FAS: variants seen among roughly 807,000 people sequenced by gnomAD.
FAS encodes tumor necrosis factor receptor superfamily member 6.
A neutral mutation model predicts 33.2 loss-of-function variants in FAS; 5 were observed. The ratio of observed to expected loss-of-function variants is 0.15; its 90% CI spans 0.08 to 0.32. The LOEUF (loss-of-function observed/expected upper bound fraction) is 0.32. Among genes scored for constraint, FAS ranks in the 10% least tolerant of loss-of-function variants. FAS has a pLI of 1.00. For missense variants in FAS, 339 were observed against 386.0 expected, an observed-to-expected ratio of 0.88 and a Z score of 1.02; for synonymous variants, 131 against 130.7, an observed-to-expected ratio of 1.00 and a Z score of -0.01.
intron 1 of FAS, among the ~76,000 whole-genome samples, chr10:88,967,471 A>G (rs1329894324): frequency 6.6e-6 from 1 of 152,202 alleles, no homozygotes; most frequent in Non-Finnish European, 1.5e-5. Context: ...GCGAGAATAC[A>G]GTGGAATACT....
intron 1 of FAS, among the ~76,000 whole-genome samples, chr10:88,998,113 C>T (rs1265420247): frequency 1.3e-5 from 2 of 152,282 alleles, no homozygotes; most frequent in East Asian, 3.9e-4. Flanking sequence ...GGACTGCCAA[C>T]TGGGTGGCTA....
At chr10:89,000,058 C>T (rs1378902042) in intron 1 of FAS, among the ~76,000 whole-genome samples, 1 of 152,170 alleles carries the variant, frequency 6.6e-6, no homozygotes, top group East Asian at 1.9e-4. Context: ...TCTTTACCAT[C>T]AAACAACGTT....
At chr10:88,994,512 A>G (rs1847464241) in intron 1 of FAS, among the ~76,000 whole-genome samples, 1 of 152,238 alleles carries the variant, frequency 6.6e-6, no homozygotes, top group South Asian at 2.1e-4. Flanking sequence ...ATTTTTAAAT[A>G]GGTAAATATA....
Position 89,010,826 on chromosome 10 carries a change from G to T in FAS, c.568+11G>T. The T allele has an allele frequency of 6.2e-7, 1 of 1,613,870 alleles. No individual in the cohort carries two copies. The highest frequency in any genetic ancestry group is 8.5e-7 in the Non-Finnish European group (1 of 1,179,932). On this transcript the variant is annotated intron_variant, in intron 6 of 8. Transcript: ENST00000652046. ...CACTAATTGTTTGGGGTAAGTTCTT[G>T]CTTTGTTCAAACTGCAGATTGAAAT...
intron 2 of FAS, 151 bp downstream of exon 2, chr10:89,003,345 A>T (rs1848042453): frequency 1.3e-5 from 12 of 893,460 alleles, no homozygotes; most frequent in Non-Finnish European, 1.7e-5. Flanking sequence ...TATTTTCCAA[A>T]GATGAGTTTT....
intron 1 of FAS, among the ~76,000 whole-genome samples, chr10:88,995,232 T>G (rs1847516822): frequency 6.6e-6 from 1 of 152,210 alleles, no homozygotes; most frequent in African/African-American, 2.4e-5. Flanking sequence ...CAATTCAGTC[T>G]CAAGCAGGAA....
chr10:88,970,811 A>G (rs1396175646), intron 1 of FAS, among the ~76,000 whole-genome samples: 3 of 152,176 alleles, frequency 2.0e-5, no homozygotes, highest in African/African-American at 4.8e-5. Flanking sequence ...TGGCACGTGT[A>G]TACATATGTA....
intron 1 of FAS, among the ~76,000 whole-genome samples, chr10:88,965,980 A>C (rs1254286448): frequency 6.6e-6 from 1 of 152,184 alleles, no homozygotes; most frequent in Non-Finnish European, 1.5e-5. Flanking sequence ...GCCTGAATTT[A>C]CGGAACCATG....
Position 89,007,786 on chromosome 10 carries a change from G to A in FAS, c.283G>A (p.Ala95Thr). 1 of 1,614,050 alleles carries A rather than the reference G, an allele frequency of 6.2e-7. No homozygotes were observed. The highest frequency in any genetic ancestry group is 1.1e-5 in the South Asian group (1 of 91,090). ...CQEGKEYTDK[A>T]HFSSKCRRCR... Reference sequence around the variant, plus strand: ...AGAAGGGAAGGAGTACACAGACAAAGCCCATTTTTCTTCCAAATGCAGAAG... The same window carrying A: ...AGAAGGGAAGGAGTACACAGACAAAACCCATTTTTCTTCCAAATGCAGAAG... Residue 95 changes from alanine to threonine, a missense_variant, in exon 3 of 9, where the codon GCC becomes ACC. Coordinates refer to ENST00000652046, the MANE Select transcript of FAS (RefSeq NM_000043.6).
intron 1 of FAS, among the ~76,000 whole-genome samples, chr10:88,964,163 A>C (rs1020555802): frequency 6.6e-6 from 1 of 151,932 alleles, no homozygotes; most frequent in Non-Finnish European, 1.5e-5. Flanking sequence ...CATATTTTGC[A>C]TTGTATGGGA....
chr10:88,967,850 G>C (rs1846347913), intron 1 of FAS, among the ~76,000 whole-genome samples: 1 of 152,144 alleles, frequency 6.6e-6, no homozygotes, highest in Admixed American at 6.5e-5. Context: ...TGGCAAAGTT[G>C]TTCCCTTTCT....
intron 6 of FAS, 113 bp downstream of exon 6, chr10:89,010,928 G>A (rs1047396964): frequency 2.4e-6 from 3 of 1,258,172 alleles, no homozygotes; most frequent in Non-Finnish European, 3.5e-6. Flanking sequence ...TTTATGTATT[G>A]TTAATTTCTT....
At chr10:89,001,490 C>T (rs938592978) in intron 1 of FAS, among the ~76,000 whole-genome samples, 1 of 151,344 alleles carries the variant, frequency 6.6e-6, no homozygotes, top group Non-Finnish European at 1.5e-5. Context: ...TAGTTTAATT[C>T]GGTCATTGAG....
intron 8 of FAS, 69 bp from the exon 9 acceptor site, chr10:89,014,050 A>G: frequency 6.7e-7 from 1 of 1,490,186 alleles, no homozygotes; most frequent in Non-Finnish European, 9.2e-7. Flanking sequence ...AAAGAGAAAT[A>G]AACATGGTTT....
chr10:89,008,123 C>T (rs538540311), intron 3 of FAS, among the ~76,000 whole-genome samples: 1 of 152,174 alleles, frequency 6.6e-6, no homozygotes, highest in East Asian at 1.9e-4. Flanking sequence ...TATTTTTTTT[C>T]TGGCCTTGAC....
At chr10:88,965,067 T>C (rs998438159) in intron 1 of FAS, among the ~76,000 whole-genome samples, 1 of 152,194 alleles carries the variant, frequency 6.6e-6, no homozygotes, top group Non-Finnish European at 1.5e-5. Flanking sequence ...TGTTTCTGCC[T>C]TATTTTAAAA....
intron 1 of FAS, among the ~76,000 whole-genome samples, chr10:88,999,228 T>TA (rs1206270016): frequency 9.9e-5 from 15 of 152,216 alleles, no homozygotes; most frequent in Admixed American, 9.8e-4. Context: ...TTCTCTCAAG[T>TA]ACCCCTCTGC....
intron 1 of FAS, among the ~76,000 whole-genome samples, chr10:88,993,482 A>G (rs1847394241): frequency 2.0e-5 from 3 of 152,146 alleles, no homozygotes; most frequent in Non-Finnish European, 2.9e-5. Context: ...TTGGGCCCCA[A>G]CAGGTTTTGT....
chr10:88,985,913 T>C (rs1382688664), upstream of FAS, among the ~76,000 whole-genome samples: 2 of 152,208 alleles, frequency 1.3e-5, no homozygotes, highest in Non-Finnish European at 1.5e-5. Flanking sequence ...TGGGAAACAA[T>C]TTTTATTGGC....
Sources: gnomAD v4.1 joint callset for allele counts (sites outside exome capture counted in the v4.1 genomes callset) on GRCh38, gnomAD v4.1.1 for gene constraint, MANE v1.5 for transcripts, NCBI Gene and HGNC (gene_info 2026-07-23, HGNC 2026-07-21) for gene names.